WWOX: variants seen among roughly 807,000 people sequenced by gnomAD.
WWOX encodes the protein WW domain-containing oxidoreductase.
A neutral mutation model predicts 46.2 loss-of-function variants in WWOX; 69 were observed. The ratio of observed to expected loss-of-function variants is 1.49; its 90% CI spans 1.23 to 1.82. WWOX has a LOEUF of 1.82. Ranked by LOEUF, WWOX falls within the 40% of genes most tolerant of loss-of-function variation. WWOX has a pLI of 0.00. For missense variants in WWOX, 919 were observed against 542.6 expected (o/e 1.69, Z -6.89); for synonymous variants, 359 against 202.6 (o/e 1.77, Z -6.56).
chr16:78,341,539 C>A (rs1206836427), intron 5 of WWOX, among the ~76,000 whole-genome samples: 2 of 119,958 alleles, frequency 1.7e-5, no homozygotes, highest in East Asian at 3.9e-4. Flanking sequence ...GAGCAGCAAA[C>A]CATAAGTTTC....
intron 5 of WWOX, among the ~76,000 whole-genome samples, chr16:78,320,711 A>G (rs934114255): frequency 1.3e-5 from 2 of 152,174 alleles, no homozygotes; most frequent in East Asian, 1.9e-4. Flanking sequence ...GTTTCTAACC[A>G]TCTGTTTCTC....
At chr16:79,205,995 G>A (rs1376458716) in intron 8 of WWOX, 1 of 152,166 alleles carries the variant, frequency 6.6e-6, no homozygotes, top group Non-Finnish European at 1.5e-5. Flanking sequence ...GGCACCTGGA[G>A]ATGGCATTTT....
At chr16:78,644,873 G>A (rs2046803597) in intron 8 of WWOX, among the ~76,000 whole-genome samples, 1 of 152,188 alleles carries the variant, frequency 6.6e-6, no homozygotes, top group African/African-American at 2.4e-5. Flanking sequence ...GATAGATGTA[G>A]AAAATCGGGA....
chr16:78,530,833 T>G (rs1220092334), intron 8 of WWOX, among the ~76,000 whole-genome samples: 1 of 152,198 alleles, frequency 6.6e-6, no homozygotes. Flanking sequence ...CTCATAATAA[T>G]TTTTAACATT....
chr16:79,117,493 G>A (rs2049540143), intron 8 of WWOX, among the ~76,000 whole-genome samples: 1 of 152,200 alleles, frequency 6.6e-6, no homozygotes, highest in Non-Finnish European at 1.5e-5. Flanking sequence ...TTTTGGGAAT[G>A]GTAAATGAGC....
chr16:78,473,867 C>T (rs1189050385), intron 8 of WWOX, among the ~76,000 whole-genome samples: 2 of 152,198 alleles, frequency 1.3e-5, no homozygotes, highest in Non-Finnish European at 2.9e-5. Flanking sequence ...TTGCAGCACA[C>T]ACGCTGCCAT....
intron 5 of WWOX, among the ~76,000 whole-genome samples, chr16:78,217,724 A>G (rs1388206757): frequency 6.6e-6 from 1 of 152,092 alleles, no homozygotes; most frequent in Non-Finnish European, 1.5e-5. Context: ...CTTTCAGCAG[A>G]CAGTTTCTTC....
intron 8 of WWOX, among the ~76,000 whole-genome samples, chr16:79,116,242 A>G (rs2049513511): frequency 6.6e-6 from 1 of 152,170 alleles, no homozygotes; most frequent in Admixed American, 6.5e-5. Flanking sequence ...GCAATTTCTT[A>G]AAATAAGACA....
intron 8 of WWOX, among the ~76,000 whole-genome samples, chr16:78,791,890 C>A (rs142349453): frequency 6.6e-6 from 1 of 152,208 alleles, no homozygotes; most frequent in South Asian, 2.1e-4. Context: ...AAAACAACAA[C>A]AACAACAACA....
At chr16:78,676,944 T>G (rs528892523) in intron 8 of WWOX, among the ~76,000 whole-genome samples, 18 of 152,292 alleles carry the variant, frequency 1.2e-4, no homozygotes, top group African/African-American at 3.9e-4. Context: ...AAAAACAGTT[T>G]TGAATAAAAA....
chr16:78,127,840 G>A (rs1010546136), intron 4 of WWOX, among the ~76,000 whole-genome samples: 4 of 152,154 alleles, frequency 2.6e-5, no homozygotes, highest in Admixed American at 6.5e-5. Flanking sequence ...TTTTATTGGC[G>A]TCTACTGGAC....
chr16:78,143,818 G>C (rs4888750), intron 4 of WWOX, among the ~76,000 whole-genome samples: 52,896 of 139,316 alleles, frequency 0.38, 9,556 homozygotes, highest in African/African-American at 0.43. Flanking sequence ...ATTATATTTC[G>C]TTTCCTTACC....
chr16:78,304,623 C>A (rs1003727399), intron 5 of WWOX, among the ~76,000 whole-genome samples: 1 of 152,160 alleles, frequency 6.6e-6, no homozygotes, highest in Admixed American at 6.5e-5. Context: ...TGCTGCTTCA[C>A]GATAATCCAT....
At chr16:78,830,022 C>T (rs2051772517) in intron 8 of WWOX, among the ~76,000 whole-genome samples, 1 of 152,002 alleles carries the variant, frequency 6.6e-6, no homozygotes, top group African/African-American at 2.4e-5. Flanking sequence ...CTTTGGGAGT[C>T]TGAAGTGGTA....
At chr16:79,031,738 CTCTG>C (rs1474545240) in intron 8 of WWOX, among the ~76,000 whole-genome samples, 4 of 145,912 alleles carry the variant, frequency 2.7e-5, no homozygotes, top group African/African-American at 5.0e-5. Context: ...TAGGCTCTCT[CTCTG>C]TCTCTTTCTT....
At chr16:78,927,448 C>T (rs531042527) in intron 8 of WWOX, among the ~76,000 whole-genome samples, 10 of 152,268 alleles carry the variant, frequency 6.6e-5, no homozygotes, top group African/African-American at 2.4e-4. Context: ...TTTGTAAATT[C>T]TCTGTGGGTA....
At chr16:78,875,334 G>A (rs1228270465) in intron 8 of WWOX, among the ~76,000 whole-genome samples, 1 of 151,922 alleles carries the variant, frequency 6.6e-6, no homozygotes, top group Admixed American at 6.6e-5. Flanking sequence ...ATCTTGCTTT[G>A]TAAGCCTTCT....
At chr16:78,311,590 T>C (rs559745004) in intron 5 of WWOX, among the ~76,000 whole-genome samples, 1 of 152,170 alleles carries the variant, frequency 6.6e-6, no homozygotes, top group East Asian at 1.9e-4. Context: ...TACAAATACA[T>C]GTGCAGAAAT....
chr16:78,698,343 A>G (rs1225016856), intron 8 of WWOX, among the ~76,000 whole-genome samples: 1 of 152,164 alleles, frequency 6.6e-6, no homozygotes, highest in Non-Finnish European at 1.5e-5. Flanking sequence ...GGTTAATGGG[A>G]TTTTTGGGGT....
Sources: allele counts gnomAD v4.1 joint callset (sites outside exome capture counted in the v4.1 genomes callset), GRCh38; gene constraint gnomAD v4.1.1; transcripts MANE v1.5; gene names NCBI Gene and HGNC (gene_info 2026-07-23, HGNC 2026-07-21).